Variants in CCDC85A observed in about 807,000 individuals in gnomAD.
The protein encoded by CCDC85A is coiled-coil domain-containing protein 85A.
Under a neutral mutation model 50.2 loss-of-function variants are expected in CCDC85A, and 38 were observed. That is an observed-to-expected ratio of 0.76 (90% CI 0.58 to 0.99). The LOEUF is 0.99. Ranked by LOEUF, CCDC85A falls within the 50% of genes least tolerant of loss-of-function variation. CCDC85A has a pLI of 0.00. For synonymous variants in CCDC85A, 366 were observed against 301.4 expected (o/e 1.21, Z -2.22); for missense variants, 820 against 742.0 (o/e 1.11, Z -1.22).
At chr2:56,273,470 C>T (rs1015725047) in intron 2 of CCDC85A, among the ~76,000 whole-genome samples, 11 of 151,874 alleles carry the variant, frequency 7.2e-5, no homozygotes, top group Non-Finnish European at 1.5e-4. Flanking sequence ...TTATAGAAAA[C>T]AAAGGGACAA....
chr2:56,230,250 A>G (rs1226680391), intron 2 of CCDC85A, among the ~76,000 whole-genome samples: 12 of 152,300 alleles, frequency 7.9e-5, no homozygotes, highest in South Asian at 2.1e-4. Flanking sequence ...TGCTTATGAT[A>G]TTGGTAACTG....
At chr2:56,247,903 T>G (rs1669581426) in intron 2 of CCDC85A, among the ~76,000 whole-genome samples, 1 of 152,220 alleles carries the variant, frequency 6.6e-6, no homozygotes, top group South Asian at 2.1e-4. Flanking sequence ...GCTGGTACTA[T>G]AAGCTATTTA....
intron 2 of CCDC85A, among the ~76,000 whole-genome samples, chr2:56,249,232 G>T (rs188314355): frequency 6.6e-6 from 1 of 152,242 alleles, no homozygotes; most frequent in African/African-American, 2.4e-5. Flanking sequence ...GAGCAGGGCC[G>T]CCAGACATGA....
Position 56,184,601 on chromosome 2 carries a change from T to G in CCDC85A, c.-24T>G, listed in dbSNP as rs539896242. ...AGTCGCCTCGCCTCTTCCACCCACT[T>G]GCACCTGCCACCCCGCGGATACCAT... On this transcript the variant is annotated 5_prime_UTR_variant, in exon 1 of 6. Transcript: ENST00000407595. 1 of 1,408,704 alleles carries G rather than the reference T, an allele frequency of 7.1e-7. No individual in the cohort carries two copies. The highest frequency in any genetic ancestry group is 3.4e-5 in the Admixed American group (1 of 29,042). 87.3% of individuals were successfully genotyped at this position (1,408,704 alleles called of 1,614,324 possible).
intron 2 of CCDC85A, among the ~76,000 whole-genome samples, chr2:56,322,114 C>A (rs1673229674): frequency 6.6e-6 from 1 of 152,120 alleles, no homozygotes. Flanking sequence ...AACTGGATCC[C>A]TTCCTTACAC....
At chr2:56,188,663 C>A (rs768636814) in intron 1 of CCDC85A, among the ~76,000 whole-genome samples, 1 of 152,342 alleles carries the variant, frequency 6.6e-6, no homozygotes, top group South Asian at 2.1e-4. Context: ...ATATCCACAG[C>A]TTCTGATTTC....
Position 56,192,620 on chromosome 2 carries a change from A to G in CCDC85A, c.420A>G (p.Glu140=), listed in dbSNP as rs766498428. ...GRYTAGVMHK[E]VALYLQKLKD... ...ACACTGCCGGGGTGATGCACAAGGA[A>G]GTGGCCTTATACCTGCAGAAGCTGA... The change falls in exon 2 of 6, where the codon GAA becomes GAG. Residue 140 remains glutamate (E), a synonymous_variant. Transcript: ENST00000407595. This position sits in a 1 kb window ranked among gnomAD's most constrained non-coding sequence, Gnocchi z 4.7. The G allele has an allele frequency of 7.4e-6, 12 of 1,613,834 alleles. No individual in the cohort carries two copies. The highest frequency in any genetic ancestry group is 2.7e-5 in the African/African-American group (2 of 74,904).
chr2:56,195,143 C>G (rs533074702), intron 2 of CCDC85A, among the ~76,000 whole-genome samples: 3 of 152,162 alleles, frequency 2.0e-5, no homozygotes. Flanking sequence ...AAGTGGATCA[C>G]TTAAAAAACA....
chr2:56,215,793 A>G (rs113627693), intron 2 of CCDC85A, among the ~76,000 whole-genome samples: 1 of 151,848 alleles, frequency 6.6e-6, no homozygotes, highest in African/African-American at 2.4e-5. Flanking sequence ...GGGTCGGTAA[A>G]TTATGGCCAG....
intron 2 of CCDC85A, among the ~76,000 whole-genome samples, chr2:56,244,019 T>C (rs1330261623): frequency 1.3e-5 from 2 of 152,170 alleles, no homozygotes; most frequent in African/African-American, 4.8e-5. Context: ...CTTTCTTTAC[T>C]AAAGCCAGCA....
chr2:56,362,589 CT>C lies in CCDC85A; in HGVS notation c.1318-9745del, dbSNP rs796528055. On this transcript the variant is annotated intron_variant, in intron 3 of 5. Coordinates refer to ENST00000407595, the MANE Select transcript of CCDC85A (RefSeq NM_001080433.2). Reference sequence around the variant, plus strand: ...AGACTGCAAAGAGAGACCCAATTAGCTTTTTTTTTTCTTTTTTTCTTTTTAA... The same window carrying C: ...AGACTGCAAAGAGAGACCCAATTAGCTTTTTTTTTCTTTTTTTCTTTTTAA... Among the ~76,000 whole-genome samples the C allele has an allele frequency of 7.4e-5, 11 of 148,644 alleles. No homozygotes were observed. The East Asian group carries it at 7.9e-4, about 11-fold the overall frequency.
chr2:56,215,458 G>C (rs1262412797), intron 2 of CCDC85A, among the ~76,000 whole-genome samples: 1 of 151,638 alleles, frequency 6.6e-6, no homozygotes, highest in Non-Finnish European at 1.5e-5. Flanking sequence ...GGACATTTTT[G>C]TCTTGTTCTG....
chr2:56,386,081 T>C lies in CCDC85A; in HGVS notation c.*1726T>C, dbSNP rs1173721203. 1 of 152,268 alleles carries C rather than the reference T, an allele frequency of 6.6e-6. No individual in the cohort carries two copies. Among genetic ancestry groups the C allele is most frequent in the Non-Finnish European group, 1.5e-5 (1 of 67,842 alleles). 9.4% of individuals were successfully genotyped at this position (152,268 alleles called of 1,614,324 possible). Reference sequence around the variant, plus strand: ...AATAAACTTGTGTAAATTTTGATACTGTATTAAAACTATTTTTTTAAAGTT... The same window carrying C: ...AATAAACTTGTGTAAATTTTGATACCGTATTAAAACTATTTTTTTAAAGTT... On this transcript the variant is annotated 3_prime_UTR_variant, in exon 6 of 6. Coordinates refer to ENST00000407595, the MANE Select transcript of CCDC85A (RefSeq NM_001080433.2).
At chr2:56,219,720 A>G (rs1405374450) in intron 2 of CCDC85A, among the ~76,000 whole-genome samples, 1 of 151,948 alleles carries the variant, frequency 6.6e-6, no homozygotes, top group Non-Finnish European at 1.5e-5. Flanking sequence ...CTTCACTTGA[A>G]TAATATCTTA....
intron 2 of CCDC85A, among the ~76,000 whole-genome samples, chr2:56,281,581 C>T (rs1167107468): frequency 2.0e-5 from 3 of 152,284 alleles, no homozygotes; most frequent in East Asian, 1.9e-4. Context: ...CCCTCATACA[C>T]ATTTGGTATG....
At chr2:56,346,839 A>C (rs1674655107) in intron 3 of CCDC85A, among the ~76,000 whole-genome samples, 1 of 152,262 alleles carries the variant, frequency 6.6e-6, no homozygotes, top group Admixed American at 6.5e-5. Flanking sequence ...ATAATCTCTT[A>C]CAGTACACAT....
chr2:56,184,496 G>T lies in CCDC85A; in HGVS notation c.-129G>T. The T allele has an allele frequency of 9.5e-7, 1 of 1,057,954 alleles. No homozygotes were observed. Among genetic ancestry groups the T allele is most frequent in the Middle Eastern group, 3.5e-4 (1 of 2,866 alleles). 65.5% of individuals were successfully genotyped at this position (1,057,954 alleles called of 1,614,324 possible). ...CGACCCCCGCCGCCCCAACCCAGCG[G>T]CCCCTGGGCGGTGCCGCTGACTCGC... On this transcript the variant is annotated 5_prime_UTR_variant, in exon 1 of 6. Coordinates refer to ENST00000407595, the MANE Select transcript of CCDC85A (RefSeq NM_001080433.2).
chr2:56,374,760 G>A (rs1319161308), intron 4 of CCDC85A, among the ~76,000 whole-genome samples: 1 of 152,234 alleles, frequency 6.6e-6, no homozygotes, highest in Non-Finnish European at 1.5e-5. Context: ...AGTGAACAAT[G>A]ATCGTGCCAC....
At chr2:56,234,172 T>G (rs1445324399) in intron 2 of CCDC85A, among the ~76,000 whole-genome samples, 1 of 152,204 alleles carries the variant, frequency 6.6e-6, no homozygotes. Context: ...ACTGCTTTCA[T>G]TAGGGAGTGA....
Sources: gnomAD v4.1 joint callset for allele counts (sites outside exome capture counted in the v4.1 genomes callset) on GRCh38, gnomAD v4.1.1 for gene constraint, Gnocchi (gnomAD v3.1) non-coding constraint, MANE v1.5 for transcripts, NCBI Gene and HGNC (gene_info 2026-07-23, HGNC 2026-07-21) for gene names.